The following EBF2 variants were observed in gnomAD, a reference collection of about 807,000 sequenced individuals.
The protein encoded by EBF2 is EBF transcription factor 2, also known as transcription factor COE2.
In EBF2, 21 loss-of-function variants were observed where a neutral mutation model predicts 72.8. The ratio of observed to expected loss-of-function variants is 0.29; its 90% CI spans 0.20 to 0.42. The LOEUF is 0.42. Ranked by LOEUF, EBF2 falls within the 10% of genes least tolerant of loss-of-function variation. EBF2 has a pLI of 1.00. For missense variants in EBF2, 637 were observed against 731.2 expected, an observed-to-expected ratio of 0.87 and a Z score of 1.49; for synonymous variants, 299 against 274.2, an observed-to-expected ratio of 1.09 and a Z score of -0.89.
At chr8:25,852,186 G>T (rs1427563681) in intron 14 of EBF2, among the ~76,000 whole-genome samples, 2 of 152,164 alleles carry the variant, frequency 1.3e-5, no homozygotes, top group Non-Finnish European at 2.9e-5. Context: ...ATATGTAAAT[G>T]AATAAAAACA....
rs142956219 is a variant in EBF2, at chr8:25,873,000, C to T, written c.1010-10203G>A. On this transcript the variant is annotated intron_variant, in intron 10 of 15. Transcript: ENST00000520164. ...ACATGTTCATTCCCACAAAGTCTGT[C>T]TTCCATGTGCTAGGATTTGGGTTCC... Among the ~76,000 whole-genome samples, 364 of 152,340 alleles carry T rather than the reference C, an allele frequency of 2.4e-3. 4 individuals carry two copies. Among genetic ancestry groups the T allele is most frequent in the Admixed American group, 0.02 (299 of 15,298 alleles).
rs980768644 is a variant in EBF2 at position 25,862,773 on chromosome 8, T to C, written c.1034A>G (p.Tyr345Cys). Residue 345 changes from tyrosine to cysteine, a missense_variant, in exon 11 of 16, where the codon TAT becomes TGT. Coordinates refer to ENST00000520164, the MANE Select transcript of EBF2 (RefSeq NM_022659.4). ...GACCTTCTGCAGTCTCTGGAAGCCA[T>C]AGTCTATGGTGGGTTCATTTAATGC... ...YTALNEPTIDYGFQRLQKVIP... is the reference protein window; with the variant it reads ...YTALNEPTIDCGFQRLQKVIP... 1.2e-5 allele frequency: 20 copies of C among 1,602,660 alleles called. No homozygotes were observed. Among genetic ancestry groups the C allele is most frequent in the Non-Finnish European group, 1.7e-5 (20 of 1,173,744 alleles).
intron 6 of EBF2, among the ~76,000 whole-genome samples, chr8:26,009,042 G>A (rs1321308651): frequency 7.2e-6 from 1 of 139,064 alleles, no homozygotes; most frequent in African/African-American, 2.6e-5. Flanking sequence ...GAAGTCCCAG[G>A]AGCTTTTGTG....
intron 6 of EBF2, among the ~76,000 whole-genome samples, chr8:26,020,274 T>C (rs1056700470): frequency 1.3e-5 from 2 of 152,222 alleles, no homozygotes. Context: ...AGGAGCTTTA[T>C]GAACAATAAA....
chr8:26,035,243 A>T (rs1451835804), intron 5 of EBF2, among the ~76,000 whole-genome samples: 1 of 152,002 alleles, frequency 6.6e-6, no homozygotes, highest in Non-Finnish European at 1.5e-5. Flanking sequence ...TCCAGGTTTA[A>T]ATGATCCTCC....
intron 6 of EBF2, among the ~76,000 whole-genome samples, chr8:26,012,437 A>G (rs1441260429): frequency 6.6e-6 from 1 of 152,198 alleles, no homozygotes; most frequent in Non-Finnish European, 1.5e-5. Flanking sequence ...CTAAATTGAA[A>G]ATCATTTCAG....
chr8:26,005,576 A>AGAGAGAGAGAGG, intron 6 of EBF2, among the ~76,000 whole-genome samples: 1 of 74,330 alleles, frequency 1.3e-5, no homozygotes, highest in Non-Finnish European at 2.6e-5. Flanking sequence ...AGAGAGAGAG[A>AGAGAGAGAGAGG]GAGGTATTTT....
intron 10 of EBF2, among the ~76,000 whole-genome samples, chr8:25,876,330 G>T (rs945765272): frequency 2.6e-5 from 4 of 152,012 alleles, no homozygotes; most frequent in Admixed American, 6.6e-5. Context: ...CTAGGTGATG[G>T]GTCGATCTGT....
At chr8:25,946,550 T>C (rs140180514) in intron 6 of EBF2, among the ~76,000 whole-genome samples, 7 of 152,322 alleles carry the variant, frequency 4.6e-5, no homozygotes, top group African/African-American at 1.7e-4. Flanking sequence ...TATCCTTCTC[T>C]TCCCTCCTTG....
chr8:25,887,725 A>G (rs1802715273), intron 9 of EBF2, 117 bp downstream of exon 9: 2 of 1,228,618 alleles, frequency 1.6e-6, no homozygotes, highest in Non-Finnish European at 2.1e-6. Flanking sequence ...TAAGAAACCC[A>G]TGCCTGATTT....
chr8:25,857,257 CGTGTA>C, intron 14 of EBF2, among the ~76,000 whole-genome samples: 1 of 152,118 alleles, frequency 6.6e-6, no homozygotes, highest in East Asian at 1.9e-4. Flanking sequence ...TTTATCTCAC[CGTGTA>C]GTGTAGAGTG....
chr8:25,983,300 T>G (rs1804393523), intron 6 of EBF2, among the ~76,000 whole-genome samples: 1 of 152,198 alleles, frequency 6.6e-6, no homozygotes, highest in African/African-American at 2.4e-5. Flanking sequence ...CAAAATCATG[T>G]GGACTCAAAC....
intron 6 of EBF2, among the ~76,000 whole-genome samples, chr8:25,977,920 T>C (rs1451443192): frequency 6.6e-6 from 1 of 152,224 alleles, no homozygotes; most frequent in Non-Finnish European, 1.5e-5. Context: ...CATTATTATT[T>C]CATTATTTTC....
chr8:25,948,119 C>A (rs1382181849), intron 6 of EBF2, among the ~76,000 whole-genome samples: 1 of 152,172 alleles, frequency 6.6e-6, no homozygotes, highest in Non-Finnish European at 1.5e-5. Flanking sequence ...TATAGGCCTC[C>A]TGTACATTGG....
At chr8:25,921,771 G>C (rs1344455304) in intron 6 of EBF2, among the ~76,000 whole-genome samples, 2 of 152,168 alleles carry the variant, frequency 1.3e-5, no homozygotes, top group East Asian at 3.8e-4. Context: ...CTCCTAAGTA[G>C]ATGTCCAGAA....
intron 6 of EBF2, among the ~76,000 whole-genome samples, chr8:26,025,470 T>A (rs1448204126): frequency 2.0e-5 from 3 of 152,018 alleles, no homozygotes; most frequent in Non-Finnish European, 4.4e-5. Context: ...CGACTAAGGA[T>A]TTGATTTGCA....
chr8:25,960,356 C>A (rs1219359657), intron 6 of EBF2, among the ~76,000 whole-genome samples: 1 of 152,200 alleles, frequency 6.6e-6, no homozygotes, highest in Admixed American at 6.5e-5. Context: ...CAGCACAGAG[C>A]CCCTAAAAGC....
At chr8:25,919,754 C>T (rs1385544269) in intron 6 of EBF2, among the ~76,000 whole-genome samples, 1 of 152,242 alleles carries the variant, frequency 6.6e-6, no homozygotes, top group East Asian at 1.9e-4. Flanking sequence ...ACTGTTTCTG[C>T]TTCTTCCCTG....
intron 1 of EBF2, among the ~76,000 whole-genome samples, chr8:26,042,815 G>A (rs1805627771): frequency 6.6e-6 from 1 of 152,132 alleles, no homozygotes; most frequent in Non-Finnish European, 1.5e-5. Context: ...GAACCCCAAG[G>A]GGCAGGCGGG....
Sources: allele counts gnomAD v4.1 joint callset (sites outside exome capture counted in the v4.1 genomes callset), GRCh38; gene constraint gnomAD v4.1.1; transcripts MANE v1.5; gene names NCBI Gene and HGNC (gene_info 2026-07-23, HGNC 2026-07-21).